The following ITGB2 variants were observed in gnomAD, a reference collection of about 807,000 sequenced individuals.
The protein encoded by ITGB2 is integrin subunit beta 2.
A neutral mutation model predicts 86.8 loss-of-function variants in ITGB2; 56 were observed. That is an observed-to-expected ratio of 0.65 (90% CI 0.52 to 0.81). The LOEUF (loss-of-function observed/expected upper bound fraction) is 0.81. ITGB2 is among the 30% of genes least tolerant of loss of function. The pLI is 0.00. For synonymous variants in ITGB2, 457 were observed against 450.4 expected (o/e 1.01, Z -0.19); for missense variants, 948 against 1,061.2 (o/e 0.89, Z 1.48).
At chr21:44,900,698 G>A (rs2083942079) in intron 6 of ITGB2, among the ~76,000 whole-genome samples, 1 of 152,194 alleles carries the variant, frequency 6.6e-6, no homozygotes. Flanking sequence ...GCAGGGAGTG[G>A]AGGCACGTGT....
intron 9 of ITGB2, 71 bp from the exon 10 acceptor site, chr21:44,893,615 T>G: frequency 6.3e-7 from 1 of 1,592,958 alleles, no homozygotes; most frequent in Non-Finnish European, 8.6e-7. Context: ...GCCCAGCGGT[T>G]TAGACCCGTC....
intron 4 of ITGB2, 75 bp from the exon 5 acceptor site, chr21:44,903,610 G>A: frequency 6.4e-7 from 1 of 1,566,972 alleles, no homozygotes; most frequent in Non-Finnish European, 8.7e-7. Flanking sequence ...GTGGCCCCGA[G>A]CGGGCTGTGC....
chr21:44,914,691 G>A (rs2084178416), intron 1 of ITGB2, among the ~76,000 whole-genome samples: 1 of 152,216 alleles, frequency 6.6e-6, no homozygotes, highest in South Asian at 2.1e-4. Context: ...GAGAGGCCAA[G>A]GCAGGAGAAT....
chr21:44,892,195 C>T (rs1429869005), intron 10 of ITGB2, among the ~76,000 whole-genome samples, 199 bp from the exon 11 acceptor site: 2 of 152,222 alleles, frequency 1.3e-5, no homozygotes, highest in East Asian at 3.9e-4. Flanking sequence ...GCCCGCACTC[C>T]CGCACTGGCC....
At chr21:44,919,704 C>A (rs560228628) in intron 1 of ITGB2, among the ~76,000 whole-genome samples, 10 of 152,364 alleles carry the variant, frequency 6.6e-5, no homozygotes, top group South Asian at 2.1e-4. Flanking sequence ...CCATCCCCCC[C>A]CTTCCCCATT....
intron 1 of ITGB2, among the ~76,000 whole-genome samples, chr21:44,912,739 C>T (rs1019497483): frequency 3.3e-5 from 5 of 152,124 alleles, no homozygotes; most frequent in African/African-American, 4.8e-5. Flanking sequence ...CGAGTGCCCA[C>T]CAGCCCCTCA....
At chr21:44,897,402 GA>G (rs1380051223) in intron 8 of ITGB2, among the ~76,000 whole-genome samples, 1 of 152,242 alleles carries the variant, frequency 6.6e-6, no homozygotes, top group Non-Finnish European at 1.5e-5. Flanking sequence ...GCAGGGGGAA[GA>G]GGGGGCCCTG....
At chr21:44,891,259 A>C (rs2083781896) in intron 11 of ITGB2, among the ~76,000 whole-genome samples, 1 of 152,134 alleles carries the variant, frequency 6.6e-6, no homozygotes, top group Non-Finnish European at 1.5e-5. Flanking sequence ...TGGGGTGCCC[A>C]CGCCTGGCAG....
At chr21:44,902,744 G>A (rs1404551787) in intron 5 of ITGB2, among the ~76,000 whole-genome samples, 1 of 151,844 alleles carries the variant, frequency 6.6e-6, no homozygotes, top group African/African-American at 2.4e-5. Flanking sequence ...GTGTGTGAGC[G>A]TGCATTCACG....
chr21:44,889,719 C>T (rs1189557952), intron 12 of ITGB2, among the ~76,000 whole-genome samples: 1 of 152,230 alleles, frequency 6.6e-6, no homozygotes, highest in Non-Finnish European at 1.5e-5. Flanking sequence ...TGAATGGGAC[C>T]TCAATAGGGC....
At chr21:44,902,028 A>G (rs1367157114) in intron 5 of ITGB2, among the ~76,000 whole-genome samples, 2 of 152,184 alleles carry the variant, frequency 1.3e-5, no homozygotes, top group East Asian at 3.8e-4. Context: ...GGGCATGTGA[A>G]CAGGTGCGTA....
intron 1 of ITGB2, 132 bp from the exon 2 acceptor site, chr21:44,910,917 T>A (rs1053781715): frequency 2.3e-6 from 2 of 884,002 alleles, no homozygotes; most frequent in Non-Finnish European, 3.5e-6. Flanking sequence ...TGGGTTAGGG[T>A]CAGGCCAGCA....
At chr21:44,899,223 G>T in intron 7 of ITGB2, 61 bp from the exon 8 acceptor site, 1 of 1,185,776 alleles carries the variant, frequency 8.4e-7, no homozygotes. Flanking sequence ...CCAGGTACCC[G>T]CCCCTGTCTG....
chr21:44,892,538 T>G (rs561180018), intron 10 of ITGB2, among the ~76,000 whole-genome samples: 18 of 144,428 alleles, frequency 1.2e-4, no homozygotes, highest in African/African-American at 4.7e-4. Context: ...GAGAATCACT[T>G]GGATTGTAGT....
rs563404120 is a variant in ITGB2, at chr21:44,900,172, A to C, written c.897+148T>G. Reference sequence around the variant, plus strand: ...CCTGAGGCCAGTCCGGGGAGACCCCACGCTGCCACTTGGGGCTTCCAGAAG... The same window carrying C: ...CCTGAGGCCAGTCCGGGGAGACCCCCCGCTGCCACTTGGGGCTTCCAGAAG... On this transcript the variant is annotated intron_variant, in intron 7 of 15. Coordinates refer to ENST00000652462, the MANE Select transcript of ITGB2 (RefSeq NM_000211.5). 1.3e-4 allele frequency: 146 copies of C among 1,084,830 alleles called. 3 individuals are homozygous for C. The South Asian group carries it at 2.0e-3, about 15-fold the overall frequency. 67.2% of individuals were successfully genotyped at this position (1,084,830 alleles called of 1,614,324 possible).
In ITGB2 at chr21:44,886,146, TC is replaced by T. The variant is rs1035682401; in HGVS notation, c.*221del. ...AACCTCACCAACCTCAAGCCCTCCC[TC>T]CTCAAGTCTCCATGCAAAGACTGTG... On this transcript the variant is annotated 3_prime_UTR_variant, in exon 16 of 16. Coordinates refer to ENST00000652462, the MANE Select transcript of ITGB2 (RefSeq NM_000211.5). 37 of 596,108 alleles carry T rather than the reference TC, an allele frequency of 6.2e-5. No homozygotes were observed. The highest frequency in any genetic ancestry group is 2.0e-4 in the East Asian group (7 of 34,902). The allele number at this position is 596,108 out of a possible 1,614,324, so 36.9% of individuals were successfully genotyped here.
chr21:44,910,691 G>A (rs566050279), intron 2 of ITGB2, 34 bp downstream of exon 2: 48 of 1,607,126 alleles, frequency 3.0e-5, no homozygotes, highest in Middle Eastern at 1.6e-4. Flanking sequence ...GGAATGTCAC[G>A]CGTGGAGTCC....
At chr21:44,912,390 G>A (rs1290068579) in intron 1 of ITGB2, among the ~76,000 whole-genome samples, 2 of 152,216 alleles carry the variant, frequency 1.3e-5, no homozygotes, top group Non-Finnish European at 2.9e-5. Flanking sequence ...ACACCCACCA[G>A]GGGCCCATCT....
At position 44,889,204 on chromosome 21, in the gene ITGB2, G is replaced by A. The variant is rs186218883; in HGVS notation, c.1877+72C>T. 136 of 1,483,352 alleles carry A rather than the reference G, an allele frequency of 9.2e-5. No homozygotes were observed. The African/African-American group carries it at 1.2e-3, about 13-fold the overall frequency. The allele number at this position is 1,483,352 out of a possible 1,614,324, so 91.9% of individuals were successfully genotyped here. On this transcript the variant is annotated intron_variant, in intron 13 of 15. Transcript: ENST00000652462. ...GAGGTGCTCACTGGGGTCCCCGAGT[G>A]AGCCCGGCTGCTGGGTAGGTGGCCG... is the stretch of plus-strand genomic sequence containing the variant.
Sources: gnomAD v4.1 joint callset for allele counts (sites outside exome capture counted in the v4.1 genomes callset) on GRCh38, gnomAD v4.1.1 for gene constraint, MANE v1.5 for transcripts, NCBI Gene and HGNC (gene_info 2026-07-23, HGNC 2026-07-21) for gene names.